Variants in MYO16 observed in about 807,000 individuals in gnomAD.
The protein encoded by MYO16 is unconventional myosin-XVI.
MYO16 carries 94 observed loss-of-function variants against 205.3 expected under a neutral mutation model. The observed-to-expected ratio is 0.46, with a 90% CI of 0.39 to 0.54. The LOEUF (loss-of-function observed/expected upper bound fraction) is 0.54. Ranked by LOEUF, MYO16 falls within the 20% of genes least tolerant of loss-of-function variation. The probability of loss-of-function intolerance (pLI) is 0.00; values close to 1 mark genes in which losing one functional copy is unlikely to be tolerated. For missense variants in MYO16, 2,315 were observed against 2,387.5 expected, an observed-to-expected ratio of 0.97 and a Z score of 0.63; for synonymous variants, 988 against 954.0, an observed-to-expected ratio of 1.04 and a Z score of -0.66.
intron 2 of MYO16, among the ~76,000 whole-genome samples, chr13:108,707,881 T>C (rs1366508233): frequency 1.3e-5 from 2 of 152,094 alleles, no homozygotes; most frequent in African/African-American, 4.8e-5. Flanking sequence ...AATCAAAGGA[T>C]TGAAGAGATG....
rs113282951 is a variant in MYO16, at chr13:108,943,405, G to A, written c.1926-14283G>A. On this transcript the variant is annotated intron_variant, in intron 16 of 34. Transcript: ENST00000457511. ...AGATGTAGTACTTTTGTTTAAGGGT[G>A]ATATCATCAACATTTTTAAAATGTC... 6.0e-3 allele frequency among the ~76,000 whole-genome samples: 913 copies of A among 152,216 alleles called. 8 individuals carry two copies. The highest frequency in any genetic ancestry group is 0.02 in the African/African-American group (818 of 41,538).
intron 23 of MYO16, among the ~76,000 whole-genome samples, chr13:109,033,093 G>A (rs1235761347): frequency 6.6e-6 from 1 of 152,118 alleles, no homozygotes; most frequent in Non-Finnish European, 1.5e-5. Context: ...GGCCCACCTA[G>A]GGACATAACA....
chr13:108,541,051 A>T, the MYO16 span, among the ~76,000 whole-genome samples: 1 of 152,088 alleles, frequency 6.6e-6, no homozygotes, highest in Non-Finnish European at 1.5e-5. Flanking sequence ...ATTTGACATG[A>T]CCTGAGACTT....
At chr13:109,159,744 C>T (rs932891717) in intron 32 of MYO16, among the ~76,000 whole-genome samples, 1 of 152,162 alleles carries the variant, frequency 6.6e-6, no homozygotes, top group African/African-American at 2.4e-5. Flanking sequence ...AAGGCCTGAA[C>T]ACAGTGCAGC....
At chr13:108,658,426 TTGTGTGTGTG>T (rs145187326) in intron 1 of MYO16, among the ~76,000 whole-genome samples, 2,374 of 145,278 alleles carry the variant, frequency 0.016, 65 homozygotes, top group African/African-American at 0.057. Context: ...TGTTTCAACT[TTGTGTGTGTG>T]TGTGTGTGTG....
intron 2 of MYO16, among the ~76,000 whole-genome samples, chr13:108,706,113 G>A (rs1926527): frequency 0.76 from 114,921 of 152,006 alleles, 43,675 homozygotes; most frequent in East Asian, 0.98. Context: ...ATTTGATTTC[G>A]TAATAACTCC....
intron 28 of MYO16, among the ~76,000 whole-genome samples, chr13:109,119,521 G>T (rs760886204): frequency 1.3e-5 from 2 of 152,092 alleles, no homozygotes; most frequent in African/African-American, 2.4e-5. Flanking sequence ...TCTATGTGAG[G>T]GGTATTCCTC....
In MYO16 at chr13:109,155,588, G is replaced by C. The variant is rs560121810; in HGVS notation, c.5165-9313G>C. 2.0e-5 allele frequency among the ~76,000 whole-genome samples: 3 copies of C among 152,292 alleles called. No individual in the cohort carries two copies. In the South Asian group the frequency reaches 6.2e-4, roughly 32 times the overall value. ...TCCACATAGTGTGGGTAACAGCTGT[G>C]TCACAAGAGTAACTGCCTGGGAACC... is the stretch of plus-strand genomic sequence containing the variant. On this transcript the variant is annotated intron_variant, in intron 32 of 34. Coordinates refer to ENST00000457511, the MANE Select transcript of MYO16 (RefSeq NM_001198950.3).
At chr13:108,911,034 AACAC>A (rs113296282) in intron 16 of MYO16, among the ~76,000 whole-genome samples, 6,484 of 138,502 alleles carry the variant, frequency 0.047, 485 homozygotes, top group African/African-American at 0.17. Context: ...TATAGGAGAA[AACAC>A]ACACACACAC....
At chr13:108,683,390 T>A (rs1356816346) in intron 2 of MYO16, among the ~76,000 whole-genome samples, 3 of 152,064 alleles carry the variant, frequency 2.0e-5, no homozygotes, top group Non-Finnish European at 4.4e-5. Context: ...ACAGTAAGAA[T>A]TACTGATTAA....
At chr13:108,584,279 A>G in the MYO16 span, among the ~76,000 whole-genome samples, 1 of 152,260 alleles carries the variant, frequency 6.6e-6, no homozygotes, top group South Asian at 2.1e-4. Flanking sequence ...CAATTTTAAT[A>G]TATGTAATTG....
chr13:108,799,027 T>C (rs994879957), intron 6 of MYO16, among the ~76,000 whole-genome samples: 3 of 152,238 alleles, frequency 2.0e-5, no homozygotes, highest in African/African-American at 7.2e-5. Flanking sequence ...TTATTTGGTT[T>C]GTTAGGAAAG....
chr13:108,885,445 A>C (rs779837497), intron 13 of MYO16, among the ~76,000 whole-genome samples: 12 of 152,164 alleles, frequency 7.9e-5, no homozygotes, highest in Non-Finnish European at 1.8e-4. Context: ...AAGGATGAGA[A>C]AGGCGCAGAG....
At chr13:109,045,390 T>G (rs1887007224) in intron 23 of MYO16, among the ~76,000 whole-genome samples, 1 of 152,194 alleles carries the variant, frequency 6.6e-6, no homozygotes, top group South Asian at 2.1e-4. Flanking sequence ...TGCTCTAGGT[T>G]GTATAAATTG....
At chr13:108,895,937 C>G (rs1414872785) in intron 14 of MYO16, among the ~76,000 whole-genome samples, 2 of 152,186 alleles carry the variant, frequency 1.3e-5, no homozygotes, top group Non-Finnish European at 2.9e-5. Flanking sequence ...CACTGACAAA[C>G]ACTGAAGGAG....
At chr13:108,747,119 A>G (rs1200830496) in intron 4 of MYO16, among the ~76,000 whole-genome samples, 1 of 152,226 alleles carries the variant, frequency 6.6e-6, no homozygotes, top group Non-Finnish European at 1.5e-5. Context: ...AGTTGAGCCA[A>G]CACATTGCCA....
chr13:109,022,859 CAATATATAA>C (rs957896131), intron 23 of MYO16, among the ~76,000 whole-genome samples: 5 of 134,524 alleles, frequency 3.7e-5, no homozygotes, highest in African/African-American at 1.4e-4. Context: ...ATATTATACT[CAATATATAA>C]ACATGTATAT....
intron 31 of MYO16, among the ~76,000 whole-genome samples, chr13:109,133,272 C>T (rs1195866986): frequency 1.3e-5 from 2 of 152,130 alleles, no homozygotes; most frequent in Admixed American, 1.3e-4. Flanking sequence ...TGTTTGCTTT[C>T]GCTCTGAAAC....
intron 1 of MYO16, among the ~76,000 whole-genome samples, chr13:108,649,615 T>A (rs1464189819): frequency 6.6e-6 from 1 of 152,228 alleles, no homozygotes; most frequent in Non-Finnish European, 1.5e-5. Flanking sequence ...ATAAGCAAGG[T>A]AGAACCATTG....
Sources: gnomAD v4.1 joint callset for allele counts (sites outside exome capture counted in the v4.1 genomes callset) on GRCh38, gnomAD v4.1.1 for gene constraint, MANE v1.5 for transcripts, NCBI Gene and HGNC (gene_info 2026-07-23, HGNC 2026-07-21) for gene names.